The following NAV1 variants were observed in gnomAD, a reference collection of about 807,000 sequenced individuals.
NAV1 encodes the protein neuron navigator 1.
A neutral mutation model predicts 175.2 loss-of-function variants in NAV1; 18 were observed. The ratio of observed to expected loss-of-function variants is 0.10; its 90% confidence interval spans 0.07 to 0.15. The LOEUF (loss-of-function observed/expected upper bound fraction) is 0.15. Ranked by LOEUF, NAV1 falls within the 10% of genes least tolerant of loss-of-function variation. The pLI, the probability that NAV1 is intolerant of heterozygous loss-of-function variation, is 1.00. For synonymous variants in NAV1, 897 were observed against 978.7 expected, an observed-to-expected ratio of 0.92 and a Z score of 1.56; for missense variants, 1,731 against 2,436.6, an observed-to-expected ratio of 0.71 and a Z score of 6.10.
At chr1:201,628,814 C>T (rs1484530990) in intron 1 of NAV1, among the ~76,000 whole-genome samples, 2 of 152,184 alleles carry the variant, frequency 1.3e-5, no homozygotes, top group Non-Finnish European at 2.9e-5. Flanking sequence ...AGACCTCACC[C>T]TTCCTTCCTG....
upstream of NAV1, among the ~76,000 whole-genome samples, chr1:201,643,620 C>T (rs1203377573): frequency 9.2e-5 from 14 of 152,028 alleles, no homozygotes; most frequent in Non-Finnish European, 4.4e-5. Context: ...ACCATGTTGG[C>T]CAGGCTAGTC....
intron 1 of NAV1, among the ~76,000 whole-genome samples, chr1:201,672,423 G>A (rs181703754): frequency 1.4e-3 from 218 of 152,214 alleles, no homozygotes; most frequent in Non-Finnish European, 2.3e-3. Flanking sequence ...AAAGTCCCTG[G>A]GAACTGGTTG....
intron 5 of NAV1, among the ~76,000 whole-genome samples, chr1:201,781,624 T>C (rs538176876): frequency 6.6e-6 from 1 of 152,342 alleles, no homozygotes; most frequent in African/African-American, 2.4e-5. Flanking sequence ...CTTCCAATGC[T>C]TGCTTTCTTC....
At chr1:201,761,779 A>C (rs760101448) in intron 3 of NAV1, among the ~76,000 whole-genome samples, 11 of 152,172 alleles carry the variant, frequency 7.2e-5, no homozygotes, top group Non-Finnish European at 1.2e-4. Context: ...ATTGGCAATG[A>C]CGTACAAGCA....
intron 2 of NAV1, among the ~76,000 whole-genome samples, chr1:201,631,163 A>C (rs1668471018): frequency 1.3e-5 from 2 of 152,252 alleles, no homozygotes; most frequent in Admixed American, 1.3e-4. Context: ...GAAGAGGAGC[A>C]GGGTTCACTG....
intron 1 of NAV1, among the ~76,000 whole-genome samples, chr1:201,573,098 T>C (rs1157724157): frequency 6.6e-6 from 1 of 152,186 alleles, no homozygotes. Flanking sequence ...GGCCTGACAA[T>C]GTTCATTTGT....
At chr1:201,802,457 TAAAAAAAAA>T (rs34494216) in intron 15 of NAV1, among the ~76,000 whole-genome samples, 1 of 101,086 alleles carries the variant, frequency 9.9e-6, no homozygotes, top group Non-Finnish European at 1.9e-5. Flanking sequence ...CCTGTCTCAT[TAAAAAAAAA>T]AAAAAAAAAA....
Position 201,740,161 on chromosome 1 carries a change from C to G in NAV1, c.1226+21406C>G. 8.9e-7 allele frequency: 1 copy of G among 1,121,808 alleles called. No individual in the cohort carries two copies. The highest frequency in any genetic ancestry group is 1.8e-5 in the South Asian group (1 of 56,410). 69.5% of individuals were successfully genotyped at this position (1,121,808 alleles called of 1,614,324 possible). The stretch of plus-strand genomic sequence containing the variant: ...GGCACCCCCAGCCCCGCCGCAGCCC[C>G]CCAGTTCCGCCGCAGCTGCAGTCTC... On this transcript the variant is annotated intron_variant, in intron 3 of 29. Transcript: ENST00000367296. The surrounding 1 kb of genome is among the most constrained non-coding windows in gnomAD (Gnocchi z 4.7).
intron 1 of NAV1, among the ~76,000 whole-genome samples, chr1:201,573,204 T>G (rs1666598274): frequency 6.6e-6 from 1 of 152,244 alleles, no homozygotes; most frequent in Non-Finnish European, 1.5e-5. Flanking sequence ...TCAAAGGATG[T>G]ACAGACAGCA....
At chr1:201,554,791 A>T (rs1181550870) in intron 1 of NAV1, among the ~76,000 whole-genome samples, 1 of 152,178 alleles carries the variant, frequency 6.6e-6, no homozygotes, top group Non-Finnish European at 1.5e-5. Flanking sequence ...ACAAAGTACC[A>T]CTAAGTGGGT....
At chr1:201,656,623 G>A (rs1669416548) in intron 1 of NAV1, among the ~76,000 whole-genome samples, 1 of 152,180 alleles carries the variant, frequency 6.6e-6, no homozygotes, top group African/African-American at 2.4e-5. Flanking sequence ...CTAGAACTCG[G>A]GTGAGGTTGG....
intron 9 of NAV1, among the ~76,000 whole-genome samples, chr1:201,786,815 CTGA>C (rs1676784472): frequency 1.3e-5 from 2 of 152,196 alleles, no homozygotes; most frequent in African/African-American, 4.8e-5. Flanking sequence ...ATCAGAGAGC[CTGA>C]ATGGTGGCAT....
intron 1 of NAV1, 55 bp downstream of exon 5, chr1:201,649,480 T>C: frequency 7.0e-7 from 1 of 1,436,060 alleles, no homozygotes; most frequent in Non-Finnish European, 9.1e-7. Flanking sequence ...AACCAGCTGC[T>C]GGGGAAGGTG....
At chr1:201,565,172 A>G (rs1193886109) in intron 1 of NAV1, among the ~76,000 whole-genome samples, 2 of 152,234 alleles carry the variant, frequency 1.3e-5, no homozygotes, top group Non-Finnish European at 2.9e-5. Flanking sequence ...GATTGTTGGC[A>G]GGAATAAACA....
chr1:201,747,458 A>C (rs1382514203), intron 3 of NAV1, among the ~76,000 whole-genome samples: 1 of 152,206 alleles, frequency 6.6e-6, no homozygotes, highest in Non-Finnish European at 1.5e-5. Context: ...TGTGGCTCAA[A>C]GGCCCTGAAG....
upstream of NAV1, among the ~76,000 whole-genome samples, chr1:201,645,955 A>G (rs1009731087): frequency 1.3e-5 from 2 of 152,212 alleles, no homozygotes; most frequent in Non-Finnish European, 2.9e-5. Context: ...TGTAGAAGTG[A>G]TGGCTTGTGA....
Position 201,807,815 on chromosome 1 carries a change from G to A in NAV1, c.3649-138G>A. The A allele has an allele frequency of 1.3e-6, 1 of 779,346 alleles. No homozygotes were observed. The highest frequency in any genetic ancestry group is 2.1e-6 in the Non-Finnish European group (1 of 466,176). The allele number at this position is 779,346 out of a possible 1,614,324, so 48.3% of individuals were successfully genotyped here. The stretch of plus-strand genomic sequence containing the variant: ...TCTGTCCGTATTCTATGAATCAAGT[G>A]AAGTGTTATAGAGGGTGGCTTAATT... On this transcript the variant is annotated intron_variant, in intron 17 of 29. Transcript: ENST00000367296. This position sits in a 1 kb window ranked among gnomAD's most constrained non-coding sequence, Gnocchi z 5.4.
chr1:201,580,559 C>A (rs1010137623), intron 1 of NAV1, among the ~76,000 whole-genome samples: 1 of 152,028 alleles, frequency 6.6e-6, no homozygotes, highest in Non-Finnish European at 1.5e-5. Flanking sequence ...GATCACTTGA[C>A]GTCAGGAGTT....
chr1:201,737,370 G>C (rs1159628412), intron 3 of NAV1: 2 of 152,236 alleles, frequency 1.3e-5, no homozygotes, highest in South Asian at 4.1e-4. Context: ...CTTGCCTTCT[G>C]TTGGGTTCTG....
Sources: gnomAD v4.1 joint callset for allele counts (sites outside exome capture counted in the v4.1 genomes callset) on GRCh38, gnomAD v4.1.1 for gene constraint, Gnocchi (gnomAD v3.1) non-coding constraint, MANE v1.5 for transcripts, NCBI Gene and HGNC (gene_info 2026-07-23, HGNC 2026-07-21) for gene names.